Variants in WWOX observed in about 807,000 individuals in gnomAD.
WWOX encodes the protein WW domain containing oxidoreductase, also known as WW domain-containing oxidoreductase.
WWOX carries 69 observed loss-of-function variants against 46.2 expected under a neutral mutation model. The ratio of observed to expected loss-of-function variants is 1.49; its 90% confidence interval spans 1.23 to 1.82. The LOEUF (loss-of-function observed/expected upper bound fraction) is 1.82. Among genes scored for constraint, WWOX ranks in the 40% most tolerant of loss-of-function variants. WWOX has a pLI of 0.00. For synonymous variants in WWOX, 359 were observed against 202.6 expected (o/e 1.77, Z -6.56); for missense variants, 919 against 542.6 (o/e 1.69, Z -6.89).
chr16:78,678,755 C>T (rs745958568), intron 8 of WWOX, among the ~76,000 whole-genome samples: 1 of 152,016 alleles, frequency 6.6e-6, no homozygotes, highest in Non-Finnish European at 1.5e-5. Context: ...GGAAACTGAC[C>T]TTTTTTCAGA....
At chr16:78,449,374 G>C (rs913187638) in intron 8 of WWOX, among the ~76,000 whole-genome samples, 11 of 152,148 alleles carry the variant, frequency 7.2e-5, no homozygotes, top group African/African-American at 2.2e-4. Flanking sequence ...CGTTGTTAAA[G>C]GGGAAAGGAT....
At chr16:78,555,721 C>T (rs1004389164) in intron 8 of WWOX, among the ~76,000 whole-genome samples, 1 of 151,856 alleles carries the variant, frequency 6.6e-6, no homozygotes, top group Non-Finnish European at 1.5e-5. Flanking sequence ...CCCTGCAGTT[C>T]CAAATGACTC....
rs543388443 is a variant in WWOX at position 78,101,771 on chromosome 16, T to C, written c.107+1886T>C. Among the ~76,000 whole-genome samples, 7 of 152,302 alleles carry C rather than the reference T, an allele frequency of 4.6e-5. No individual in the cohort carries two copies. The South Asian group carries it at 1.4e-3, about 32-fold the overall frequency. ...GGAAAAACAACCAAGTTCTGATGAG[T>C]TCATTCAAGACACACACAGGTATTA... is the stretch of plus-strand genomic sequence containing the variant. On this transcript the variant is annotated intron_variant, in intron 1 of 8. Coordinates refer to ENST00000566780, the MANE Select transcript of WWOX (RefSeq NM_016373.4).
intron 8 of WWOX, among the ~76,000 whole-genome samples, chr16:79,064,039 C>T (rs1490409779): frequency 1.3e-5 from 2 of 152,180 alleles, no homozygotes; most frequent in Non-Finnish European, 2.9e-5. Context: ...TTAGAAGCCT[C>T]AGAAGTGTGC....
chr16:78,568,445 T>A (rs2044631013), intron 8 of WWOX, among the ~76,000 whole-genome samples: 1 of 151,644 alleles, frequency 6.6e-6, no homozygotes, highest in Admixed American at 6.6e-5. Flanking sequence ...TATATTAAAT[T>A]TTTCTTTTTT....
At chr16:78,194,962 G>C (rs1022908770) in intron 5 of WWOX, among the ~76,000 whole-genome samples, 11 of 152,218 alleles carry the variant, frequency 7.2e-5, no homozygotes, top group Admixed American at 5.9e-4. Flanking sequence ...GCGATAGCAG[G>C]TCCTTTTTAA....
chr16:78,900,856 A>G (rs906613550), intron 8 of WWOX, among the ~76,000 whole-genome samples: 6 of 151,948 alleles, frequency 3.9e-5, no homozygotes, highest in African/African-American at 1.4e-4. Flanking sequence ...TGAAAAAAAA[A>G]AAAAAGAAAA....
chr16:78,161,330 A>G lies in WWOX; in HGVS notation c.410-2853A>G, dbSNP rs533309666. Among the ~76,000 whole-genome samples, 58 of 152,018 alleles carry G rather than the reference A, an allele frequency of 3.8e-4. 1 individual carries two copies. Among genetic ancestry groups the G allele is most frequent in the Admixed American group, 1.9e-3 (29 of 15,260 alleles). On this transcript the variant is annotated intron_variant, in intron 4 of 8. Transcript: ENST00000566780. ...TTGGGTTTAAATATACCACCTTATTATTGGCTTCCTGTTAAGTTATTCTAT... is the reference window on the plus strand; with the variant it reads ...TTGGGTTTAAATATACCACCTTATTGTTGGCTTCCTGTTAAGTTATTCTAT...
intron 8 of WWOX, among the ~76,000 whole-genome samples, chr16:78,688,253 C>G (rs887155566): frequency 6.6e-6 from 1 of 151,610 alleles, no homozygotes; most frequent in African/African-American, 2.4e-5. Flanking sequence ...TTGTAGAAAG[C>G]TTGGTTTTAT....
chr16:78,779,085 G>A (rs10514446), intron 8 of WWOX, among the ~76,000 whole-genome samples: 29,047 of 141,200 alleles, frequency 0.21, 3,196 homozygotes, highest in East Asian at 0.36. Context: ...TCACTCTATC[G>A]CCTAAAATTC....
chr16:79,079,557 C>T (rs373923157), intron 8 of WWOX, among the ~76,000 whole-genome samples: 1 of 152,156 alleles, frequency 6.6e-6, no homozygotes, highest in Non-Finnish European at 1.5e-5. Context: ...CCCTAGTCAC[C>T]TGGTGCTTTA....
chr16:78,154,869 G>T (rs895981994), intron 4 of WWOX, among the ~76,000 whole-genome samples: 3 of 152,130 alleles, frequency 2.0e-5, no homozygotes, highest in African/African-American at 7.2e-5. Flanking sequence ...TTGTGGTAAG[G>T]CTTGAGTCAT....
intron 8 of WWOX, among the ~76,000 whole-genome samples, chr16:78,804,231 G>C (rs148569141): frequency 6.6e-6 from 1 of 152,100 alleles, no homozygotes; most frequent in Non-Finnish European, 1.5e-5. Context: ...CCTGAACACA[G>C]TGCGCCCTCA....
At chr16:78,417,995 T>A (rs2082838014) in intron 6 of WWOX, among the ~76,000 whole-genome samples, 1 of 152,176 alleles carries the variant, frequency 6.6e-6, no homozygotes, top group Admixed American at 6.5e-5. Context: ...CATGAATACT[T>A]CAAACAACAA....
chr16:79,197,730 C>T (rs766165785), intron 8 of WWOX, among the ~76,000 whole-genome samples: 1 of 152,076 alleles, frequency 6.6e-6, no homozygotes, highest in Non-Finnish European at 1.5e-5. Flanking sequence ...CCAATGTTTG[C>T]TACGGATTGT....
chr16:78,451,031 C>G (rs2083678399), intron 8 of WWOX, among the ~76,000 whole-genome samples: 1 of 152,126 alleles, frequency 6.6e-6, no homozygotes, highest in East Asian at 1.9e-4. Flanking sequence ...AAGAGTCTTT[C>G]TTGGACTGTG....
In WWOX at chr16:78,972,541, G is replaced by A. The variant is rs150116569; in HGVS notation, c.1057-239067G>A. Reference sequence around the variant, plus strand: ...ACTGACCATCTCTGGGGGAGGGAGGGTGAAGAGTAGCAAATTTACCGTCAT... The same window carrying A: ...ACTGACCATCTCTGGGGGAGGGAGGATGAAGAGTAGCAAATTTACCGTCAT... On this transcript the variant is annotated intron_variant, in intron 8 of 8. Coordinates refer to ENST00000566780, the MANE Select transcript of WWOX (RefSeq NM_016373.4). Among the ~76,000 whole-genome samples the A allele has an allele frequency of 2.9e-3, 447 of 151,968 alleles. 4 individuals carry two copies. Among genetic ancestry groups the A allele is most frequent in the African/African-American group, 0.011 (437 of 41,446 alleles).
intron 5 of WWOX, among the ~76,000 whole-genome samples, chr16:78,376,821 A>G (rs2081840289): frequency 1.3e-5 from 2 of 152,236 alleles, no homozygotes. Context: ...ATCAGGGTAT[A>G]GTTCTCTCCC....
intron 8 of WWOX, among the ~76,000 whole-genome samples, chr16:78,531,995 T>C (rs2043634470): frequency 6.6e-6 from 1 of 151,974 alleles, no homozygotes; most frequent in Non-Finnish European, 1.5e-5. Flanking sequence ...AAATAAGTTT[T>C]GGGTTGGGCG....
Sources: allele counts gnomAD v4.1 joint callset (sites outside exome capture counted in the v4.1 genomes callset), GRCh38; gene constraint gnomAD v4.1.1; transcripts MANE v1.5; gene names NCBI Gene and HGNC (gene_info 2026-07-23, HGNC 2026-07-21).